Variants in FAM227B observed in about 807,000 individuals in gnomAD.
The protein encoded by FAM227B is family with sequence similarity 227 member B, also known as protein FAM227B.
In FAM227B, 88 loss-of-function variants were observed where a neutral mutation model predicts 73.8. The ratio of observed to expected loss-of-function variants is 1.19; its 90% CI spans 1.00 to 1.42. The LOEUF (loss-of-function observed/expected upper bound fraction) is 1.42, where lower values mean the gene tolerates loss of function less well. Ranked by LOEUF, FAM227B falls within the 40% of genes most tolerant of loss-of-function variation. FAM227B has a pLI of 0.00. For missense variants in FAM227B, 632 were observed against 590.9 expected (o/e 1.07, Z -0.72); for synonymous variants, 210 against 190.5 (o/e 1.10, Z -0.84).
rs372468374 is a variant in FAM227B, at chr15:49,617,597, T to G, written c.-72-2354A>C. Among the ~76,000 whole-genome samples, 3 of 152,146 alleles carry G rather than the reference T, an allele frequency of 2.0e-5. No homozygotes were observed. The South Asian group carries it at 6.2e-4, about 32-fold the overall frequency. ...AAATATAAACAGAGCATCAATTAAA[T>G]GTGTGGCATTTTTCAGATTTGCAAG... On this transcript the variant is annotated intron_variant, in intron 1 of 15. Coordinates refer to ENST00000299338, the MANE Select transcript of FAM227B (RefSeq NM_152647.3).
chr15:49,495,485 C>T (rs2057519587), intron 11 of FAM227B, among the ~76,000 whole-genome samples: 1 of 152,088 alleles, frequency 6.6e-6, no homozygotes, highest in Non-Finnish European at 1.5e-5. Context: ...TATGACTTAA[C>T]AAATTGCTAC....
chr15:49,610,419 GT>G (rs67927830), intron 3 of FAM227B, among the ~76,000 whole-genome samples: 5,578 of 33,816 alleles, frequency 0.16, 191 homozygotes, highest in East Asian at 0.39. Flanking sequence ...AACATTGAAA[GT>G]AAAAAAAAAA....
At position 49,611,109 on chromosome 15, in the gene FAM227B, T is replaced by C. The variant is rs2077883901; in HGVS notation, c.105+106A>G. On this transcript the variant is annotated intron_variant, in intron 3 of 15. Coordinates refer to ENST00000299338, the MANE Select transcript of FAM227B (RefSeq NM_152647.3). ...TATACACACTTTCCTCATTGAAACA[T>C]ATTTCTGAAATTTCTAGTCTTAAAG... 6.0e-6 allele frequency: 4 copies of C among 669,074 alleles called. No homozygotes were observed. In the South Asian group the frequency reaches 8.1e-5, roughly 14 times the overall value. The allele number at this position is 669,074 out of a possible 1,614,324, so 41.4% of individuals were successfully genotyped here.
chr15:49,481,825 T>C (rs1396575314), intron 11 of FAM227B, among the ~76,000 whole-genome samples: 1 of 152,184 alleles, frequency 6.6e-6, no homozygotes, highest in Non-Finnish European at 1.5e-5. Context: ...AACTCTCAAC[T>C]GGACGAGCTC....
At chr15:49,450,391 A>G (rs2052615495) in intron 11 of FAM227B, among the ~76,000 whole-genome samples, 1 of 152,002 alleles carries the variant, frequency 6.6e-6, no homozygotes, top group African/African-American at 2.4e-5. Flanking sequence ...GTTGCTAAAG[A>G]TATTTTTTTT....
intron 11 of FAM227B, among the ~76,000 whole-genome samples, chr15:49,439,969 G>A (rs1186353615): frequency 6.6e-6 from 1 of 151,664 alleles, no homozygotes; most frequent in African/African-American, 2.4e-5. Flanking sequence ...CAAATATTGG[G>A]GACAGGATTC....
chr15:49,479,545 G>A (rs2055691812), intron 11 of FAM227B, among the ~76,000 whole-genome samples: 2 of 147,246 alleles, frequency 1.4e-5, no homozygotes, highest in African/African-American at 5.0e-5. Context: ...TATGTTTTCT[G>A]AGCAACTTCG....
At chr15:49,390,844 A>C (rs1353717029) in intron 11 of FAM227B, among the ~76,000 whole-genome samples, 1 of 152,092 alleles carries the variant, frequency 6.6e-6, no homozygotes, top group Non-Finnish European at 1.5e-5. Flanking sequence ...ACCAGTATGA[A>C]CTGACCTATG....
intron 11 of FAM227B, among the ~76,000 whole-genome samples, chr15:49,476,231 G>GTTTTTT (rs1567351795): frequency 3.4e-5 from 1 of 29,108 alleles, no homozygotes; most frequent in Admixed American, 4.8e-4. Flanking sequence ...TTTTGTTTTT[G>GTTTTTT]GTTTTTTTTT....
At chr15:49,589,542 TACAC>T (rs35391819) in intron 4 of FAM227B, among the ~76,000 whole-genome samples, 7,058 of 139,746 alleles carry the variant, frequency 0.051, 268 homozygotes, top group African/African-American at 0.11. Flanking sequence ...TTTATGAGAT[TACAC>T]ACACACACAC....
At chr15:49,497,694 G>GA (rs61014653) in intron 11 of FAM227B, among the ~76,000 whole-genome samples, 157 of 152,144 alleles carry the variant, frequency 1.0e-3, no homozygotes, top group Admixed American at 1.6e-3. Flanking sequence ...GAAGATTATA[G>GA]AAAAAATACC....
At chr15:49,411,880 G>C (rs1221456610) in intron 11 of FAM227B, among the ~76,000 whole-genome samples, 1 of 151,940 alleles carries the variant, frequency 6.6e-6, no homozygotes, top group Non-Finnish European at 1.5e-5. Flanking sequence ...CAATTGTTAT[G>C]GGGAATTTTA....
chr15:49,494,967 C>T (rs942298722), intron 11 of FAM227B, among the ~76,000 whole-genome samples: 4 of 152,104 alleles, frequency 2.6e-5, no homozygotes, highest in African/African-American at 9.7e-5. Flanking sequence ...GTCATTGTTG[C>T]AAATGAATAG....
At chr15:49,613,623 T>C (rs1369549055) in intron 2 of FAM227B, among the ~76,000 whole-genome samples, 3 of 152,128 alleles carry the variant, frequency 2.0e-5, no homozygotes, top group African/African-American at 4.8e-5. Context: ...TAAAAGAGTA[T>C]AATTGGAATG....
intron 10 of FAM227B, among the ~76,000 whole-genome samples, chr15:49,533,301 T>C (rs2060756025): frequency 6.6e-6 from 1 of 152,020 alleles, no homozygotes; most frequent in African/African-American, 2.4e-5. Context: ...ACATATGATC[T>C]ATCCTGGAAA....
intron 13 of FAM227B, among the ~76,000 whole-genome samples, chr15:49,351,806 T>C (rs1596399775): frequency 6.6e-6 from 1 of 152,224 alleles, no homozygotes; most frequent in East Asian, 1.9e-4. Flanking sequence ...TGTTCTGAAT[T>C]GGGGCTAAGG....
chr15:49,386,734 A>C (rs2046908316), intron 11 of FAM227B, among the ~76,000 whole-genome samples: 1 of 151,908 alleles, frequency 6.6e-6, no homozygotes, highest in South Asian at 2.1e-4. Flanking sequence ...AAAAAAATAA[A>C]CAAAACTGAT....
At chr15:49,355,769 A>G (rs2043051475) in intron 13 of FAM227B, among the ~76,000 whole-genome samples, 1 of 151,716 alleles carries the variant, frequency 6.6e-6, no homozygotes, top group Non-Finnish European at 1.5e-5. Flanking sequence ...GAGAAGAGCA[A>G]CTCCAAGACA....
At chr15:49,334,404 A>G in intron 14 of FAM227B, 1 of 182,354 alleles carries the variant, frequency 5.5e-6, no homozygotes, top group Non-Finnish European at 1.0e-5. Flanking sequence ...GCCCTCTACA[A>G]ACCAATTCAT....
Sources: allele counts gnomAD v4.1 joint callset (sites outside exome capture counted in the v4.1 genomes callset), GRCh38; gene constraint gnomAD v4.1.1; transcripts MANE v1.5; gene names NCBI Gene and HGNC (gene_info 2026-07-23, HGNC 2026-07-21).